CRISPLD2: variants seen among roughly 807,000 people sequenced by gnomAD.
CRISPLD2 encodes cysteine-rich secretory protein LCCL domain-containing 2.
A neutral mutation model predicts 71.1 loss-of-function variants in CRISPLD2; 47 were observed. That is an observed-to-expected ratio of 0.66 (90% CI 0.52 to 0.84). CRISPLD2 has a LOEUF of 0.84. Ranked by LOEUF, CRISPLD2 falls within the 40% of genes least tolerant of loss-of-function variation. The pLI, the probability that CRISPLD2 is intolerant of heterozygous loss-of-function variation, is 0.00. For synonymous variants in CRISPLD2, 317 were observed against 250.1 expected (o/e 1.27, Z -2.52); for missense variants, 830 against 651.1 (o/e 1.27, Z -2.99).
Position 84,850,550 on chromosome 16 carries a change from C to T in CRISPLD2, c.493-18C>T. The T allele has an allele frequency of 6.2e-7, 1 of 1,607,646 alleles. No individual in the cohort carries two copies. The highest frequency in any genetic ancestry group is 1.1e-5 in the South Asian group (1 of 90,930). On this transcript the variant is annotated intron_variant, in intron 4 of 14. Coordinates refer to ENST00000262424, the MANE Select transcript of CRISPLD2 (RefSeq NM_031476.4). Reference sequence around the variant, plus strand: ...GCCTTATCCCTCGAGCTGTGACACACAAATGTCATCTTTTCAGATAGTTTG... The same window carrying T: ...GCCTTATCCCTCGAGCTGTGACACATAAATGTCATCTTTTCAGATAGTTTG...
chr16:84,824,627 G>A (rs1473360693), intron 1 of CRISPLD2, among the ~76,000 whole-genome samples: 1 of 152,158 alleles, frequency 6.6e-6, no homozygotes, highest in African/African-American at 2.4e-5. Context: ...CTACAACAAA[G>A]CCTTTGGTTG....
At chr16:84,891,675 C>T (rs541345984) in intron 14 of CRISPLD2, among the ~76,000 whole-genome samples, 1 of 152,322 alleles carries the variant, frequency 6.6e-6, no homozygotes, top group East Asian at 1.9e-4. Context: ...GATTTGTTCC[C>T]TGTCGGGCTG....
chr16:84,867,079 G>T, intron 7 of CRISPLD2, 39 bp downstream of exon 7: 9 of 1,601,566 alleles, frequency 5.6e-6, no homozygotes, highest in Non-Finnish European at 7.7e-6. Flanking sequence ...TGCCCTCCCA[G>T]CCACCTCCAA....
intron 1 of CRISPLD2, among the ~76,000 whole-genome samples, chr16:84,832,159 C>T (rs1442070279): frequency 1.3e-5 from 2 of 152,262 alleles, no homozygotes; most frequent in Non-Finnish European, 2.9e-5. Flanking sequence ...TCAAACGATG[C>T]ATTTTTGGAG....
At chr16:84,896,054 T>G (rs1173095264) in intron 14 of CRISPLD2, among the ~76,000 whole-genome samples, 2 of 151,822 alleles carry the variant, frequency 1.3e-5, no homozygotes, top group African/African-American at 2.4e-5. Flanking sequence ...TTTTTTTTTT[T>G]TGGAGATGGA....
At chr16:84,888,381 T>A (rs1256311989) in intron 13 of CRISPLD2, among the ~76,000 whole-genome samples, 1 of 152,152 alleles carries the variant, frequency 6.6e-6, no homozygotes, top group African/African-American at 2.4e-5. Flanking sequence ...AAATAATTTT[T>A]AAAAATTAGC....
At chr16:84,905,016 C>T (rs1343986819) in intron 14 of CRISPLD2, among the ~76,000 whole-genome samples, 2 of 152,044 alleles carry the variant, frequency 1.3e-5, no homozygotes, top group Non-Finnish European at 2.9e-5. Context: ...CACGGTGGCT[C>T]ACACCCATAA....
intron 2 of CRISPLD2, among the ~76,000 whole-genome samples, chr16:84,843,200 AC>A (rs1916822463): frequency 6.6e-6 from 1 of 152,108 alleles, no homozygotes; most frequent in Non-Finnish European, 1.5e-5. Context: ...TACTGAGGCT[AC>A]CTCGGAGCAA....
At position 84,889,372 on chromosome 16, in the gene CRISPLD2, G is replaced by A. The variant is rs368779139; in HGVS notation, c.1439+9G>A. On this transcript the variant is annotated intron_variant, in intron 14 of 14. Coordinates refer to ENST00000262424, the MANE Select transcript of CRISPLD2 (RefSeq NM_031476.4). ...GGAGTTCAGTCTGAAAGGTAGGGTG[G>A]TGTTCTCCAACCCTTGACACCCAAT... 39 of 1,606,204 alleles carry A rather than the reference G, an allele frequency of 2.4e-5. No homozygotes were observed. The African/African-American group carries it at 4.8e-4, about 20-fold the overall frequency.
intron 1 of CRISPLD2, among the ~76,000 whole-genome samples, chr16:84,830,180 T>A (rs558596616): frequency 1.1e-4 from 17 of 151,984 alleles, no homozygotes; most frequent in Non-Finnish European, 1.9e-4. Context: ...AAATTAGCTG[T>A]GCCTGGTGTT....
chr16:84,833,603 G>A (rs919308079), intron 1 of CRISPLD2, among the ~76,000 whole-genome samples: 8 of 152,154 alleles, frequency 5.3e-5, no homozygotes, highest in African/African-American at 1.2e-4. Flanking sequence ...CCACCAAAGC[G>A]TGAGCTCTTC....
chr16:84,841,583 C>G (rs536485436), intron 2 of CRISPLD2, among the ~76,000 whole-genome samples: 2 of 151,360 alleles, frequency 1.3e-5, no homozygotes, highest in African/African-American at 4.9e-5. Context: ...GGAGAGGATG[C>G]ATTTATGACT....
intron 13 of CRISPLD2, among the ~76,000 whole-genome samples, chr16:84,883,992 C>T (rs946918724): frequency 6.6e-6 from 1 of 151,896 alleles, no homozygotes; most frequent in Non-Finnish European, 1.5e-5. Flanking sequence ...TACAGGTGCC[C>T]GCCACCCACA....
chr16:84,894,004 C>A (rs1158402532), intron 14 of CRISPLD2, among the ~76,000 whole-genome samples: 1 of 152,186 alleles, frequency 6.6e-6, no homozygotes, highest in Non-Finnish European at 1.5e-5. Context: ...GGGAATCCTT[C>A]AATCACACAA....
intron 1 of CRISPLD2, among the ~76,000 whole-genome samples, chr16:84,830,868 G>A (rs1457510438): frequency 3.3e-5 from 5 of 152,178 alleles, no homozygotes; most frequent in African/African-American, 1.2e-4. Flanking sequence ...GTGCTTCTGG[G>A]GATCTCTTTC....
In CRISPLD2 at chr16:84,906,874, G is replaced by C. The variant is rs904722850; in HGVS notation, c.*232G>C. The C allele has an allele frequency of 3.4e-6, 2 of 594,592 alleles. No homozygotes were observed. Among genetic ancestry groups the C allele is most frequent in the Non-Finnish European group, 3.0e-6 (1 of 332,958 alleles). The allele number at this position is 594,592 out of a possible 1,614,324, so 36.8% of individuals were successfully genotyped here. A position where few individuals can be genotyped will look rare whatever the true frequency, so the allele number is the denominator to read the frequency against. ...CTGGTGCCTGATCCTGCTGGGGCCT[G>C]GGGGTCTCCATCTGGACGTCCTCTC... On this transcript the variant is annotated 3_prime_UTR_variant, in exon 15 of 15. Transcript: ENST00000262424.
chr16:84,873,613 A>G lies in CRISPLD2; in HGVS notation c.1113-307A>G, dbSNP rs182246977. ...AACTTCTTTGTAATGTTTTAAATTT[A>G]TCTTCTTAAAATTTCTTTATTTTGC... On this transcript the variant is annotated intron_variant, in intron 10 of 14. Transcript: ENST00000262424. 6.5e-3 allele frequency: 1,851 copies of G among 284,184 alleles called. 10 individuals are homozygous for G. Among genetic ancestry groups the G allele is most frequent in the Middle Eastern group, 0.011 (11 of 998 alleles). The allele number at this position is 284,184 out of a possible 1,614,324, so 17.6% of individuals were successfully genotyped here.
At chr16:84,896,882 C>A (rs2071711076) in intron 14 of CRISPLD2, among the ~76,000 whole-genome samples, 1 of 152,180 alleles carries the variant, frequency 6.6e-6, no homozygotes, top group South Asian at 2.1e-4. Flanking sequence ...TTCTGCCGTC[C>A]TTTTAGTGCT....
Position 84,880,809 on chromosome 16 carries a change from G to A in CRISPLD2, c.1305+225G>A, listed in dbSNP as rs185607245. On this transcript the variant is annotated intron_variant, in intron 13 of 14. Coordinates refer to ENST00000262424, the MANE Select transcript of CRISPLD2 (RefSeq NM_031476.4). ...TAACCTCTGCCTCCCAGGTTCAAAC[G>A]ATTCTTGTACCTCAACCTGCCAAGT... 4.0e-3 allele frequency: 1,486 copies of A among 369,716 alleles called. 18 individuals are homozygous for A. The highest frequency in any genetic ancestry group is 0.027 in the African/African-American group (1,324 of 49,136). The allele number at this position is 369,716 out of a possible 1,614,324, so 22.9% of individuals were successfully genotyped here.
Sources: gnomAD v4.1 joint callset for allele counts (sites outside exome capture counted in the v4.1 genomes callset) on GRCh38, gnomAD v4.1.1 for gene constraint, MANE v1.5 for transcripts, NCBI Gene and HGNC (gene_info 2026-07-23, HGNC 2026-07-21) for gene names.